The following CDH15 variants were observed in gnomAD, a reference collection of about 807,000 sequenced individuals.
The protein encoded by CDH15 is cadherin 15, also known as cadherin-15.
A neutral mutation model predicts 69.4 loss-of-function variants in CDH15; 73 were observed. That is an observed-to-expected ratio of 1.05 (90% CI 0.87 to 1.28). The LOEUF (loss-of-function observed/expected upper bound fraction) is 1.28, where lower values mean the gene tolerates loss of function less well. Among genes scored for constraint, CDH15 ranks in the 50% most tolerant of loss-of-function variants. The pLI is 0.00. For missense variants in CDH15, 1,343 were observed against 1,133.6 expected, an observed-to-expected ratio of 1.18 and a Z score of -2.65; for synonymous variants, 624 against 507.7, an observed-to-expected ratio of 1.23 and a Z score of -3.08.
At position 89,191,274 on chromosome 16, in the gene CDH15, C is replaced by T. The variant is rs1915633692; in HGVS notation, c.1233-56C>T. ...CATGTCACGCACCCATACCTGACCA[C>T]ACCTGTGGGGCCCTGGGGTAAACTC... On this transcript the variant is annotated intron_variant, in intron 8 of 13. Coordinates refer to ENST00000289746, the MANE Select transcript of CDH15 (RefSeq NM_004933.3). 6 of 1,609,918 alleles carry T rather than the reference C, an allele frequency of 3.7e-6. No individual in the cohort carries two copies. In the African/African-American group the frequency reaches 4.0e-5, roughly 11 times the overall value.
Position 89,189,993 on chromosome 16 carries a change from G to A in CDH15, c.979-250G>A, listed in dbSNP as rs371469291. Among the ~76,000 whole-genome samples the A allele has an allele frequency of 1.1e-4, 17 of 152,326 alleles. No individual in the cohort carries two copies. The East Asian group carries it at 3.1e-3, about 28-fold the overall frequency. On this transcript the variant is annotated intron_variant, in intron 7 of 13. Transcript: ENST00000289746. Reference sequence around the variant, plus strand: ...CTGGCGCCATCCCCCAACGGCCCTCGCTGAAATACCCGCGGAGTATGTGCT... The same window carrying A: ...CTGGCGCCATCCCCCAACGGCCCTCACTGAAATACCCGCGGAGTATGTGCT...
chr16:89,190,574 G>A (rs377680921), intron 8 of CDH15, 78 bp downstream of exon 8: 2 of 1,526,480 alleles, frequency 1.3e-6, no homozygotes, highest in Non-Finnish European at 1.8e-6. Context: ...TGATCCCTGG[G>A]CTCTGAGGGT....
chr16:89,189,492 TGAGA>T (rs1326315576), intron 7 of CDH15, among the ~76,000 whole-genome samples: 1 of 152,206 alleles, frequency 6.6e-6, no homozygotes, highest in Admixed American at 6.5e-5. Context: ...CGTCCTTGGG[TGAGA>T]GAGAGTGGGG....
intron 3 of CDH15, among the ~76,000 whole-genome samples, chr16:89,181,365 A>C (rs1055627631): frequency 6.6e-6 from 1 of 152,100 alleles, no homozygotes; most frequent in African/African-American, 2.4e-5. Flanking sequence ...CAATCCCAGC[A>C]CTTCGGGAGG....
rs907784895 is a variant in CDH15 at position 89,191,869 on chromosome 16, G to C, written c.1590G>C (p.Arg530=). 1.9e-6 allele frequency: 3 copies of C among 1,591,726 alleles called. No homozygotes were observed. Residue 530 remains arginine, a synonymous_variant, in exon 10 of 14, where the codon CGG becomes CGC. Coordinates refer to ENST00000289746, the MANE Select transcript of CDH15 (RefSeq NM_004933.3). ...QLSPRLPELG[R]NWSLSQVNVS... The stretch of plus-strand genomic sequence containing the variant: ...GCCCCAGGCTCCCAGAGCTCGGCCG[G>C]AACTGGAGCCTCAGCCAGGTCAACG...
Position 89,185,176 on chromosome 16 carries a change from C to T in CDH15, c.506C>T (p.Thr169Ile). 6.3e-7 allele frequency: 1 copy of T among 1,597,782 alleles called. No homozygotes were observed. The highest frequency in any genetic ancestry group is 8.5e-7 in the Non-Finnish European group (1 of 1,173,062). ...CACGCCTCCCTGTGCTTCCCAGGCA[C>T]CTATGTGACCAGGGCAGAGGCCACA... ...GRVLEGAVPG[T>I]YVTRAEATDA... The change falls in exon 5 of 14, where the codon ACC becomes ATC. Residue 169 changes from threonine to isoleucine, a missense_variant. By Grantham distance (89) the Thr-to-Ile change is moderately conservative. Coordinates refer to ENST00000289746, the MANE Select transcript of CDH15 (RefSeq NM_004933.3).
chr16:89,187,456 CAGG>C lies in CDH15; in HGVS notation c.692_694del (p.Gln231_Val232delinsLeu). 6.2e-7 allele frequency: 1 copy of C among 1,613,448 alleles called. No individual in the cohort carries two copies. Among genetic ancestry groups the C allele is most frequent in the African/African-American group, 1.3e-5 (1 of 75,072 alleles). On this transcript the variant is annotated inframe_deletion, in exon 6 of 14. Coordinates refer to ENST00000289746, the MANE Select transcript of CDH15 (RefSeq NM_004933.3). ...GGTCGCGGTGTACAATCTGACCCTG[CAGG>C]TGGCGGACATGTCTGGAGACGGCCT...
At chr16:89,177,251 A>G (rs951226142) in intron 1 of CDH15, among the ~76,000 whole-genome samples, 6 of 151,958 alleles carry the variant, frequency 3.9e-5, no homozygotes, top group Admixed American at 1.3e-4. Flanking sequence ...AGGTCGGGGT[A>G]CCCTCGCCAA....
At chr16:89,184,556 C>T (rs1191025071) in intron 4 of CDH15, among the ~76,000 whole-genome samples, 2 of 152,226 alleles carry the variant, frequency 1.3e-5, no homozygotes, top group Non-Finnish European at 2.9e-5. Context: ...CAGTGCGCGT[C>T]CTCTGCTCGG....
chr16:89,180,544 C>G (rs2151599351), intron 3 of CDH15, among the ~76,000 whole-genome samples, 189 bp downstream of exon 3: 1 of 152,286 alleles, frequency 6.6e-6, no homozygotes, highest in East Asian at 1.9e-4. Flanking sequence ...GAGGAGGCAA[C>G]TGTTGAGGGT....
At chr16:89,179,875 G>A (rs530377836) in intron 2 of CDH15, among the ~76,000 whole-genome samples, 31 of 152,334 alleles carry the variant, frequency 2.0e-4, no homozygotes, top group African/African-American at 6.5e-4. Context: ...GTGCGTGTTC[G>A]CCGACGCTGA....
chr16:89,191,223 A>G (rs1182419954), intron 8 of CDH15, 107 bp from the exon 9 acceptor site: 114 of 1,270,662 alleles, frequency 9.0e-5, no homozygotes, highest in Non-Finnish European at 1.0e-4. Context: ...TGTGGTATGT[A>G]TGTGTGTGCC....
At chr16:89,175,631 G>A (rs758254115) in intron 1 of CDH15, among the ~76,000 whole-genome samples, 4 of 152,260 alleles carry the variant, frequency 2.6e-5, no homozygotes, top group Admixed American at 6.5e-5. Flanking sequence ...GCCCACCGAG[G>A]CTGATGAAGG....
intron 4 of CDH15, among the ~76,000 whole-genome samples, chr16:89,184,675 G>A (rs1334878946): frequency 2.6e-5 from 4 of 151,882 alleles, no homozygotes; most frequent in African/African-American, 7.2e-5. Flanking sequence ...CTTCCCCTGC[G>A]TCCTCTGCCC....
chr16:89,188,488 ACACACAGATGCCGGCACACACAGATGCC>A (rs2151602465), intron 7 of CDH15, among the ~76,000 whole-genome samples: 1 of 147,794 alleles, frequency 6.8e-6, no homozygotes, highest in African/African-American at 2.5e-5. Flanking sequence ...AGATGCCGGC[ACACACAGATGCCGGCACACACAGATGCC>A]CACACACAGA....
rs148798647 is a variant in CDH15 at position 89,179,544 on chromosome 16, C to T, written c.171C>T (p.Asn57=). The change falls in exon 2 of 14, where the codon AAC becomes AAT. Residue 57 remains asparagine (N), a synonymous_variant. Coordinates refer to ENST00000289746, the MANE Select transcript of CDH15 (RefSeq NM_004933.3). ...WVIPPISVSE[N]HKRLPYPLVQ... is the part of the protein sequence containing the mutation. ...TCCCCCCGATCAGCGTATCCGAGAA[C>T]CACAAGCGTCTCCCCTACCCCCTGG... 0.013 allele frequency: 21,452 copies of T among 1,608,072 alleles called. 180 individuals are homozygous for T. Among genetic ancestry groups the T allele is most frequent in the Non-Finnish European group, 0.015 (17,749 of 1,176,400 alleles).
At chr16:89,183,767 G>A in intron 4 of CDH15, 75 bp downstream of exon 4, 2 of 1,469,004 alleles carry the variant, frequency 1.4e-6, no homozygotes, top group Admixed American at 2.1e-5. Flanking sequence ...CTTCCCTTAA[G>A]CAAGAATTCC....
rs755920647 is a variant in CDH15 at position 89,183,662 on chromosome 16, A to G, written c.472A>G (p.Thr158Ala). Residue 158 changes from threonine to alanine, a missense_variant, in exon 4 of 14, where the codon ACT becomes GCT. By Grantham distance (58) the Thr-to-Ala change is moderately conservative (BLOSUM62 0). Coordinates refer to ENST00000289746, the MANE Select transcript of CDH15 (RefSeq NM_004933.3). ...GCCAGCCTTCCTGCAGGAGGCGTTC[A>G]CTGGCCGCGTGCTGGAGGGTGCAGT... is the stretch of plus-strand genomic sequence containing the variant. Reference protein sequence around the residue: ...NRPAFLQEAFTGRVLEGAVPG... With the variant: ...NRPAFLQEAFAGRVLEGAVPG... 60 of 1,611,010 alleles carry G rather than the reference A, an allele frequency of 3.7e-5. No individual in the cohort carries two copies. In the East Asian group the frequency reaches 7.4e-4, roughly 20 times the overall value.
At chr16:89,174,703 C>T (rs965068575) in intron 1 of CDH15, among the ~76,000 whole-genome samples, 3 of 152,118 alleles carry the variant, frequency 2.0e-5, no homozygotes, top group Non-Finnish European at 4.4e-5. Flanking sequence ...AGGGTCCAGT[C>T]GAGGATGAGC....
Sources: gnomAD v4.1 joint callset for allele counts (sites outside exome capture counted in the v4.1 genomes callset) on GRCh38, gnomAD v4.1.1 for gene constraint, MANE v1.5 for transcripts, NCBI Gene and HGNC (gene_info 2026-07-23, HGNC 2026-07-21) for gene names.